Variants in IDO2 observed in about 807,000 individuals in gnomAD.
The protein encoded by IDO2 is indoleamine 2,3-dioxygenase-like 1 protein.
Under a neutral mutation model 45.1 loss-of-function variants are expected in IDO2, and 46 were observed. The observed-to-expected ratio is 1.02, with a 90% CI of 0.80 to 1.30. The LOEUF is 1.30. IDO2 is among the 50% of genes most tolerant of loss of function. The probability of loss-of-function intolerance (pLI) is 0.00; values close to 1 mark genes in which losing one functional copy is unlikely to be tolerated. For synonymous variants in IDO2, 218 were observed against 184.9 expected, an observed-to-expected ratio of 1.18 and a Z score of -1.45; for missense variants, 544 against 491.8, an observed-to-expected ratio of 1.11 and a Z score of -1.00.
intron 8 of IDO2, among the ~76,000 whole-genome samples, chr8:39,997,167 C>T (rs1178716654): frequency 6.6e-6 from 1 of 152,016 alleles, no homozygotes; most frequent in Non-Finnish European, 1.5e-5. Context: ...TGAACTCTAC[C>T]ACTATATTTT....
At chr8:39,995,248 T>TCTC (rs778395814) in intron 8 of IDO2, 2 of 101,428 alleles carry the variant, frequency 2.0e-5, no homozygotes, top group Non-Finnish European at 3.8e-5. Context: ...TCCTTCTCCT[T>TCTC]CTCCTTCTTC....
chr8:39,962,542 C>T (rs906519038), intron 2 of IDO2, among the ~76,000 whole-genome samples: 1 of 152,190 alleles, frequency 6.6e-6, no homozygotes. Context: ...CTCCTCAGCT[C>T]AGCGAAATCC....
At chr8:40,005,804 G>A (rs149440754) in intron 9 of IDO2, among the ~76,000 whole-genome samples, 6 of 152,254 alleles carry the variant, frequency 3.9e-5, no homozygotes, top group African/African-American at 7.2e-5. Flanking sequence ...TGGTTTGAAC[G>A]AATGTGTCCC....
At chr8:40,013,928 C>CCCAAGT (rs1485391896) in intron 10 of IDO2, among the ~76,000 whole-genome samples, 1 of 152,114 alleles carries the variant, frequency 6.6e-6, no homozygotes, top group Non-Finnish European at 1.5e-5. Context: ...GTTTTACTTC[C>CCCAAGT]AAATCTTAAA....
At chr8:40,007,577 A>T (rs1802241971) in intron 9 of IDO2, among the ~76,000 whole-genome samples, 1 of 152,196 alleles carries the variant, frequency 6.6e-6, no homozygotes, top group African/African-American at 2.4e-5. Context: ...CATTTTTAAA[A>T]ATTTCATGCT....
intron 8 of IDO2, among the ~76,000 whole-genome samples, chr8:39,994,899 T>G (rs1425695014): frequency 1.3e-5 from 2 of 152,098 alleles, no homozygotes; most frequent in African/African-American, 4.8e-5. Flanking sequence ...AAGTAAATAC[T>G]AAAAAACTAT....
In IDO2 at chr8:39,982,670, G is replaced by T. The variant is rs758397683; in HGVS notation, c.334G>T (p.Ala112Ser). Residue 112 changes from alanine (A) to serine (S), a missense_variant, in exon 5 of 11, where the codon GCC becomes TCC. By Grantham distance (99) the Ala-to-Ser change is moderately conservative. Coordinates refer to ENST00000502986, the Ensembl canonical transcript of IDO2. ...CTGAAAGGTCCTGCCAAGGAATCTT[G>T]CCCTTCCATTTGTCGAAGTCTCCAG... 5.0e-6 allele frequency: 8 copies of T among 1,609,334 alleles called. No individual in the cohort carries two copies. The African/African-American group carries it at 1.1e-4, about 22-fold the overall frequency.
At chr8:39,973,721 G>C (rs1225924983) in intron 3 of IDO2, among the ~76,000 whole-genome samples, 1 of 140,288 alleles carries the variant, frequency 7.1e-6, no homozygotes, top group Non-Finnish European at 1.5e-5. Context: ...GAAAATCATG[G>C]GTTTTCTTGT....
chr8:39,979,327 T>G, intron 4 of IDO2, 141 bp downstream of exon 4: 1 of 586,278 alleles, frequency 1.7e-6, no homozygotes, highest in East Asian at 3.4e-5. Flanking sequence ...TAAGCAACGA[T>G]GAAGGGCTCA....
chr8:39,976,093 C>T (rs917009442), intron 3 of IDO2, among the ~76,000 whole-genome samples: 1 of 152,124 alleles, frequency 6.6e-6, no homozygotes, highest in African/African-American at 2.4e-5. Context: ...TATTCCCCTG[C>T]CTCTGCCTCC....
intron 8 of IDO2, among the ~76,000 whole-genome samples, chr8:39,994,477 G>C (rs1037009192): frequency 6.6e-6 from 1 of 152,014 alleles, no homozygotes; most frequent in Non-Finnish European, 1.5e-5. Context: ...GGCTGGTCTC[G>C]AACTCCTGAC....
chr8:40,012,014 G>A (rs1335197032), intron 9 of IDO2, among the ~76,000 whole-genome samples: 2 of 152,146 alleles, frequency 1.3e-5, no homozygotes, highest in Non-Finnish European at 1.5e-5. Flanking sequence ...TTTATCCAGT[G>A]AAAGCTGTAG....
intron 2 of IDO2, among the ~76,000 whole-genome samples, chr8:39,962,205 T>C (rs531202013): frequency 6.6e-6 from 1 of 152,322 alleles, no homozygotes; most frequent in South Asian, 2.1e-4. Flanking sequence ...ATGGAGCTAT[T>C]GGGCTAGTGA....
At chr8:39,978,604 G>A (rs1338117213) in intron 3 of IDO2, among the ~76,000 whole-genome samples, 1 of 152,138 alleles carries the variant, frequency 6.6e-6, no homozygotes, top group Non-Finnish European at 1.5e-5. Context: ...TCCTGCTCCT[G>A]TTTGATAGAG....
At chr8:39,959,450 A>G (rs1003524385) in intron 2 of IDO2, among the ~76,000 whole-genome samples, 6 of 12,520 alleles carry the variant, frequency 4.8e-4, no homozygotes, top group African/African-American at 7.3e-4. Flanking sequence ...AAGCAGCAAA[A>G]TATTTCTGTT....
chr8:39,982,796 A>C, intron 5 of IDO2, 26 bp downstream of exon 5: 2 of 1,399,508 alleles, frequency 1.4e-6, no homozygotes, highest in Non-Finnish European at 2.0e-6. Context: ...AATGCTTTGA[A>C]TTTCCATAAC....
At chr8:39,959,857 G>A (rs113641683) in intron 2 of IDO2, among the ~76,000 whole-genome samples, 10 of 152,270 alleles carry the variant, frequency 6.6e-5, no homozygotes, top group South Asian at 2.1e-4. Context: ...ATTGTGAATA[G>A]GATGTTGGAT....
At chr8:39,980,830 A>G (rs1585409467) in intron 4 of IDO2, among the ~76,000 whole-genome samples, 1 of 151,960 alleles carries the variant, frequency 6.6e-6, no homozygotes, top group African/African-American at 2.4e-5. Context: ...GCTCACTGCA[A>G]CCTCGGCTTC....
intron 5 of IDO2, 54 bp from the exon 6 acceptor site, chr8:39,985,454 G>T: frequency 6.8e-7 from 1 of 1,466,874 alleles, no homozygotes; most frequent in Non-Finnish European, 9.3e-7. Flanking sequence ...AAACTGAATT[G>T]TTCTTTTATT....
Sources: allele counts gnomAD v4.1 joint callset (sites outside exome capture counted in the v4.1 genomes callset), GRCh38; gene constraint gnomAD v4.1.1; transcripts MANE v1.5; gene names NCBI Gene and HGNC (gene_info 2026-07-23, HGNC 2026-07-21).